POLQ: variants seen among roughly 807,000 people sequenced by gnomAD.
POLQ encodes DNA polymerase theta.
POLQ carries 233 observed loss-of-function variants against 259.2 expected under a neutral mutation model. The observed-to-expected ratio is 0.90, with a 90% CI of 0.81 to 1.00. The LOEUF (loss-of-function observed/expected upper bound fraction) is 1.00. Among genes scored for constraint, POLQ ranks in the 50% least tolerant of loss-of-function variants. POLQ has a pLI of 0.00. For missense variants in POLQ, 2,871 were observed against 3,051.6 expected, an observed-to-expected ratio of 0.94 and a Z score of 1.39; for synonymous variants, 1,025 against 1,048.8, an observed-to-expected ratio of 0.98 and a Z score of 0.44.
chr3:121,432,365 T>G lies in POLQ; in HGVS notation c.7712A>C (p.Lys2571Thr). Residue 2571 changes from lysine (K) to threonine (T), a missense_variant, in exon 30 of 30, where the codon AAA (lysine) becomes ACA (threonine). By Grantham distance (78) the Lys-to-Thr change is moderately conservative (BLOSUM62 -1). Transcript: ENST00000264233. ...GCCTATTTTCACTTTCACTTTCAAT[T>G]TCACAGACAGTTTTACAGCACTTTC... ...EMESAVKLSV[K>T]LKVKVKIGAS... 6.2e-7 allele frequency: 1 copy of G among 1,610,698 alleles called. No individual in the cohort carries two copies. The highest frequency in any genetic ancestry group is 8.5e-7 in the Non-Finnish European group (1 of 1,178,442).
chr3:121,494,195 A>T, intron 14 of POLQ: 1 of 1,289,114 alleles, frequency 7.8e-7, no homozygotes, highest in Non-Finnish European at 1.1e-6. Context: ...AAAGTGGTGA[A>T]TCCCGTTTGT....
chr3:121,533,472 G>C (rs1466863860), intron 5 of POLQ, among the ~76,000 whole-genome samples: 2 of 152,080 alleles, frequency 1.3e-5, no homozygotes, highest in African/African-American at 2.4e-5. Context: ...TCACCACTTG[G>C]TATTGTCAAT....
chr3:121,522,282 ATCTTTTTTTTTTTTTT>A (rs2048342313), intron 7 of POLQ, 133 bp from the exon 8 acceptor site: 4 of 100,880 alleles, frequency 4.0e-5, no homozygotes, highest in East Asian at 3.3e-4. Context: ...TCCCCTGGAG[ATCTTTTTTTTTTTTTT>A]TTTTTTTTTT....
Position 121,541,200 on chromosome 3 carries a change from T to C in POLQ, c.474+149A>G, listed in dbSNP as rs41562212. 4.7e-3 allele frequency: 3,220 copies of C among 690,878 alleles called. 24 individuals carry two copies. The highest frequency in any genetic ancestry group is 0.025 in the Middle Eastern group (56 of 2,272). 42.8% of individuals were successfully genotyped at this position (690,878 alleles called of 1,614,324 possible). On this transcript the variant is annotated intron_variant, in intron 3 of 29. Coordinates refer to ENST00000264233, the MANE Select transcript of POLQ (RefSeq NM_199420.4). ...CCAGCCCCTTGCTGTAAATTTTTAA[T>C]GCTTTTGGCAGTAGCCTCTTAAAGC...
chr3:121,534,296 T>C (rs2048434995), intron 5 of POLQ, among the ~76,000 whole-genome samples: 1 of 152,160 alleles, frequency 6.6e-6, no homozygotes, highest in Non-Finnish European at 1.5e-5. Context: ...TTTGCTCTGT[T>C]TTTATTAGTT....
chr3:121,523,738 AC>A (rs200194230), intron 7 of POLQ, among the ~76,000 whole-genome samples: 5,431 of 152,146 alleles, frequency 0.036, 146 homozygotes, highest in Middle Eastern at 0.082. Context: ...AAACAAAAAA[AC>A]AAAAAGGAAA....
intron 25 of POLQ, among the ~76,000 whole-genome samples, chr3:121,459,035 T>C (rs975238089): frequency 1.3e-5 from 2 of 152,208 alleles, no homozygotes; most frequent in Non-Finnish European, 2.9e-5. Context: ...CCACGGGTCA[T>C]GTGGTAAGAA....
intron 26 of POLQ, among the ~76,000 whole-genome samples, chr3:121,442,825 G>C (rs1285265390): frequency 6.6e-6 from 1 of 152,076 alleles, no homozygotes; most frequent in Non-Finnish European, 1.5e-5. Flanking sequence ...TGTGATTGCT[G>C]GATCATATGA....
At chr3:121,438,591 C>G (rs1042622982) in intron 27 of POLQ, among the ~76,000 whole-genome samples, 7 of 152,168 alleles carry the variant, frequency 4.6e-5, no homozygotes, top group Non-Finnish European at 8.8e-5. Flanking sequence ...CTAGCCAGTC[C>G]TCACTCAGTT....
rs367608691 is a variant in POLQ, at chr3:121,489,562, T to G, written c.3369A>C (p.Ser1123=). ...SFPLQIKQNC[S]WNITLTNDNF... is the part of the protein sequence containing the mutation. ...TATCATTAGTTAGTGTTATGTTCCATGAACAATTTTGCTTTATTTGTAATG... is the reference window on the plus strand; with the variant it reads ...TATCATTAGTTAGTGTTATGTTCCAGGAACAATTTTGCTTTATTTGTAATG... Residue 1123 remains serine, a synonymous_variant, in exon 16 of 30, where the codon TCA becomes TCC. Coordinates refer to ENST00000264233, the MANE Select transcript of POLQ (RefSeq NM_199420.4). The G allele has an allele frequency of 6.2e-7, 1 of 1,612,946 alleles. No homozygotes were observed. Among genetic ancestry groups the G allele is most frequent in the Non-Finnish European group, 8.5e-7 (1 of 1,179,418 alleles).
intron 4 of POLQ, 84 bp from the exon 5 acceptor site, chr3:121,537,292 T>G (rs2048457866): frequency 1.5e-5 from 11 of 756,006 alleles, no homozygotes; most frequent in Non-Finnish European, 2.3e-5. Context: ...TCACTCTATT[T>G]AATTTCCTTT....
chr3:121,444,537 C>T (rs1023478651), intron 26 of POLQ, among the ~76,000 whole-genome samples: 1 of 152,164 alleles, frequency 6.6e-6, no homozygotes, highest in African/African-American at 2.4e-5. Flanking sequence ...ATATCTTCTA[C>T]AAACAAGGAG....
At chr3:121,454,923 A>G (rs1028693103) in intron 25 of POLQ, among the ~76,000 whole-genome samples, 7 of 152,242 alleles carry the variant, frequency 4.6e-5, no homozygotes, top group Admixed American at 4.6e-4. Flanking sequence ...AATCAATAGA[A>G]TATACATTTT....
At chr3:121,484,441 C>A (rs113121545) in intron 17 of POLQ, among the ~76,000 whole-genome samples, 1,588 of 152,238 alleles carry the variant, frequency 0.01, 27 homozygotes, top group African/African-American at 0.035. Flanking sequence ...AAAAGCAAAC[C>A]CTAAAGGTGG....
chr3:121,432,309 C>T lies in POLQ; in HGVS notation c.7768G>A (p.Val2590Met), dbSNP rs1377392438. 6 of 1,598,344 alleles carry T rather than the reference C, an allele frequency of 3.8e-6. No homozygotes were observed. The Admixed American group carries it at 1.1e-4, about 28-fold the overall frequency. ...ASWGELKDFDV is the reference protein window; with the variant it reads ...ASWGELKDFDM ...GGACTTCATCAACAGCACAGTTACACATCAAAGTCCTTTAGCTCTCCCCAG... is the reference window on the plus strand; with the variant it reads ...GGACTTCATCAACAGCACAGTTACATATCAAAGTCCTTTAGCTCTCCCCAG... The change falls in exon 30 of 30, where the codon GTG becomes ATG. Residue 2590 changes from valine to methionine, a missense_variant. Coordinates refer to ENST00000264233, the MANE Select transcript of POLQ (RefSeq NM_199420.4).
chr3:121,525,272 C>T (rs13077237), intron 7 of POLQ, among the ~76,000 whole-genome samples: 89,385 of 150,718 alleles, frequency 0.59, 27,514 homozygotes, highest in East Asian at 0.89. Context: ...ACCTGGGAGG[C>T]GGAGCTTGCA....
chr3:121,487,530 C>T lies in POLQ; in HGVS notation c.5401G>A (p.Asp1801Asn), dbSNP rs1490534288. The stretch of plus-strand genomic sequence containing the variant: ...GATAACTGAAGTGAAAAGCTTGTGT[C>T]ACTAATAGGGCTGTTGTCTTTGAAC... Reference protein sequence around the residue: ...NGFKDNSPISDTSFSLQLSQD... With the variant: ...NGFKDNSPISNTSFSLQLSQD... Residue 1801 changes from aspartate (D) to asparagine (N), a missense_variant, in exon 16 of 30, where the codon GAC (aspartate) becomes AAC (asparagine). Asp to Asn is a conservative substitution (Grantham distance 23). This residue lies in a region of POLQ where 2,080 missense variants were observed against 2,126.0 expected (regional missense o/e 0.98). Transcript: ENST00000264233. The T allele has an allele frequency of 6.2e-7, 1 of 1,614,078 alleles. No homozygotes were observed.
chr3:121,501,642 A>G (rs1166788610), intron 12 of POLQ, among the ~76,000 whole-genome samples: 2 of 120,096 alleles, frequency 1.7e-5, no homozygotes, highest in African/African-American at 6.5e-5. Context: ...AGCCTGGGCG[A>G]CAGAGCGAGA....
In POLQ at chr3:121,469,703, A is replaced by G. The variant is rs568590084; in HGVS notation, c.6719-1272T>C. ...CTCTGGTCTATTAGTTGAATTAATG[A>G]AGCAACACTGGCAGACCAAAAAAAA... On this transcript the variant is annotated intron_variant, in intron 22 of 29. Transcript: ENST00000264233. Among the ~76,000 whole-genome samples, 23 of 152,334 alleles carry G rather than the reference A, an allele frequency of 1.5e-4. No individual in the cohort carries two copies. In the South Asian group the frequency reaches 4.8e-3, roughly 32 times the overall value.
Sources: allele counts gnomAD v4.1 joint callset (sites outside exome capture counted in the v4.1 genomes callset), GRCh38; gene constraint gnomAD v4.1.1; regional missense constraint gnomAD v4.1.1; transcripts MANE v1.5; gene names NCBI Gene and HGNC (gene_info 2026-07-23, HGNC 2026-07-21).